The following CBR4 variants were observed in gnomAD, a reference collection of about 807,000 sequenced individuals.
The protein encoded by CBR4 is carbonyl reductase 4.
Under a neutral mutation model 21.0 loss-of-function variants are expected in CBR4, and 22 were observed. That is an observed-to-expected ratio of 1.05 (90% confidence interval 0.75 to 1.50). The LOEUF is 1.50. Ranked by LOEUF, CBR4 falls within the 40% of genes most tolerant of loss-of-function variation. CBR4 has a pLI of 0.00. For missense variants in CBR4, 302 were observed against 286.3 expected (o/e 1.05, Z -0.40); for synonymous variants, 100 against 104.4 (o/e 0.96, Z 0.26).
intron 2 of CBR4, among the ~76,000 whole-genome samples, chr4:168,934,258 A>G (rs539897109): frequency 8.9e-6 from 1 of 112,502 alleles, no homozygotes; most frequent in East Asian, 3.4e-4. Flanking sequence ...CAAGTTTTAA[A>G]AGAAACTAGA....
chr4:168,894,957 T>G (rs1050888249), intron 2 of CBR4, among the ~76,000 whole-genome samples: 1 of 152,228 alleles, frequency 6.6e-6, no homozygotes, highest in Non-Finnish European at 1.5e-5. Flanking sequence ...TATCCTAAGT[T>G]TTATGCAAAA....
chr4:168,968,776 C>G (rs1460964929), intron 2 of CBR4, among the ~76,000 whole-genome samples: 1 of 152,222 alleles, frequency 6.6e-6, no homozygotes, highest in Non-Finnish European at 1.5e-5. Flanking sequence ...CTCTGCCATT[C>G]TACCAGGATA....
chr4:168,948,351 C>T (rs1339461856), intron 2 of CBR4, among the ~76,000 whole-genome samples: 1 of 152,116 alleles, frequency 6.6e-6, no homozygotes, highest in African/African-American at 2.4e-5. Flanking sequence ...TTCTTTTTGC[C>T]ATGCAAAAAC....
chr4:168,918,303 T>C (rs1382917473), intron 2 of CBR4, among the ~76,000 whole-genome samples: 1 of 149,182 alleles, frequency 6.7e-6, no homozygotes, highest in Non-Finnish European at 1.5e-5. Context: ...TGTCAACAGA[T>C]GAATGAATAA....
At chr4:168,928,669 G>GTGA (rs1041886978) in intron 2 of CBR4, among the ~76,000 whole-genome samples, 8 of 152,132 alleles carry the variant, frequency 5.3e-5, no homozygotes, top group African/African-American at 1.9e-4. Flanking sequence ...TCAAGTGGTT[G>GTGA]TGATAGCTCT....
intron 2 of CBR4, among the ~76,000 whole-genome samples, chr4:168,896,082 C>T (rs934860197): frequency 2.6e-5 from 4 of 151,960 alleles, no homozygotes; most frequent in Non-Finnish European, 4.4e-5. Flanking sequence ...TGGTGGCGTG[C>T]GCCTGTAGTC....
At chr4:169,003,430 A>G (rs564791432) in intron 3 of CBR4, among the ~76,000 whole-genome samples, 1 of 152,330 alleles carries the variant, frequency 6.6e-6, no homozygotes, top group South Asian at 2.1e-4. Flanking sequence ...CTTCTTATGT[A>G]TGGATAAACA....
chr4:168,968,093 C>T (rs569930394), intron 2 of CBR4, among the ~76,000 whole-genome samples: 1 of 27,094 alleles, frequency 3.7e-5, no homozygotes, highest in East Asian at 2.6e-3. Flanking sequence ...CACCAAAAGC[C>T]AGCCAAGTAA....
intron 2 of CBR4, among the ~76,000 whole-genome samples, chr4:168,923,580 A>T (rs1560933665): frequency 9.3e-6 from 1 of 108,046 alleles, no homozygotes; most frequent in Non-Finnish European, 2.1e-5. Flanking sequence ...ATAGTACTAA[A>T]GTTGTCTTTT....
intron 2 of CBR4, among the ~76,000 whole-genome samples, chr4:168,923,633 T>C (rs1415817187): frequency 1.3e-5 from 2 of 152,180 alleles, no homozygotes; most frequent in Non-Finnish European, 2.9e-5. Context: ...ATAAAGCTTT[T>C]TTATAACCTT....
intron 2 of CBR4, chr4:168,898,442 C>T (rs747205936): frequency 8.5e-7 from 1 of 1,170,636 alleles, no homozygotes; most frequent in East Asian, 2.4e-5. Flanking sequence ...AGAGACGTGA[C>T]ACTTTGTCAG....
intron 2 of CBR4, among the ~76,000 whole-genome samples, chr4:168,939,575 G>A (rs1409355684): frequency 2.6e-5 from 4 of 152,188 alleles, no homozygotes; most frequent in African/African-American, 9.6e-5. Context: ...CTCTTCTTAA[G>A]CTGATAAGCA....
At chr4:168,941,371 T>TC (rs1370877179) in intron 2 of CBR4, among the ~76,000 whole-genome samples, 1 of 152,046 alleles carries the variant, frequency 6.6e-6, no homozygotes, top group East Asian at 1.9e-4. Context: ...GTAGGATATA[T>TC]CCCAAGGATA....
At chr4:168,908,231 T>C (rs1000129077) in intron 2 of CBR4, among the ~76,000 whole-genome samples, 38 of 152,236 alleles carry the variant, frequency 2.5e-4, no homozygotes, top group African/African-American at 9.2e-4. Flanking sequence ...ATATAAGTTC[T>C]GTGAGTCATC....
At chr4:169,009,176 C>G (rs2126883509) in intron 1 of CBR4, 4 of 402,370 alleles carry the variant, frequency 9.9e-6, no homozygotes, top group Middle Eastern at 8.4e-4. Context: ...TTTGTCCATT[C>G]TGGTGATTAA....
intron 4 of CBR4, among the ~76,000 whole-genome samples, chr4:168,999,823 A>G (rs1172050854): frequency 6.6e-6 from 1 of 152,128 alleles, no homozygotes; most frequent in East Asian, 1.9e-4. Flanking sequence ...CTTCTTCAAC[A>G]TTTCTATAGC....
At chr4:168,974,469 G>A (rs760198327) in intron 2 of CBR4, among the ~76,000 whole-genome samples, 6 of 152,116 alleles carry the variant, frequency 3.9e-5, no homozygotes, top group African/African-American at 7.2e-5. Context: ...GCAAGACCAG[G>A]GAAGTTTTCC....
chr4:168,989,098 T>A lies in CBR4; in HGVS notation c.*1052A>T, dbSNP rs1388040418. On this transcript the variant is annotated 3_prime_UTR_variant, in exon 5 of 5. Transcript: ENST00000306193. ...GCCTTCACTGCTTCTTGTAAAGACATTTAATTTAATGTTATTGCATATTTA... is the reference window on the plus strand; with the variant it reads ...GCCTTCACTGCTTCTTGTAAAGACAATTAATTTAATGTTATTGCATATTTA... 1 of 981,666 alleles carries A rather than the reference T, an allele frequency of 1.0e-6. No homozygotes were observed. The highest frequency in any genetic ancestry group is 6.1e-5 in the Admixed American group (1 of 16,266). 60.8% of individuals were successfully genotyped at this position (981,666 alleles called of 1,614,324 possible).
Position 168,924,447 on chromosome 4 carries a change from C to T in CBR4, n.170-29682G>A, listed in dbSNP as rs1475828498. The T allele has an allele frequency of 1.9e-6, 3 of 1,593,796 alleles. No homozygotes were observed. In the Admixed American group the frequency reaches 5.0e-5, roughly 27 times the overall value. ...TAAGACTGCACAATGAGAACCTGAT[C>T]CTTAACTGTTCAGTCCTAATGATGT... On this transcript the variant is annotated intron_variant and non_coding_transcript_variant, in intron 2 of 3. Coordinates refer to the CBR4 transcript ENST00000509108.
Sources: allele counts gnomAD v4.1 joint callset (sites outside exome capture counted in the v4.1 genomes callset), GRCh38; gene constraint gnomAD v4.1.1; transcripts MANE v1.5; gene names NCBI Gene and HGNC (gene_info 2026-07-23, HGNC 2026-07-21).